KCNJ3: variants seen among roughly 807,000 people sequenced by gnomAD.
KCNJ3 encodes the protein G protein-activated inward rectifier potassium channel 1.
A neutral mutation model predicts 39.2 loss-of-function variants in KCNJ3; 4 were observed. The ratio of observed to expected loss-of-function variants is 0.10; its 90% CI spans 0.05 to 0.23. The LOEUF (loss-of-function observed/expected upper bound fraction) is 0.23. Ranked by LOEUF, KCNJ3 falls within the 10% of genes least tolerant of loss-of-function variation. KCNJ3 has a pLI of 1.00. For missense variants in KCNJ3, 276 were observed against 634.9 expected, an observed-to-expected ratio of 0.43 and a Z score of 6.08; for synonymous variants, 230 against 237.4, an observed-to-expected ratio of 0.97 and a Z score of 0.29.
intron 2 of KCNJ3, among the ~76,000 whole-genome samples, chr2:154,754,118 C>A (rs1386789284): frequency 6.6e-6 from 1 of 152,098 alleles, no homozygotes; most frequent in Non-Finnish European, 1.5e-5. Flanking sequence ...CCATCTATTC[C>A]CGTTTTGTAT....
intron 2 of KCNJ3, among the ~76,000 whole-genome samples, chr2:154,826,041 C>A (rs1671853460): frequency 6.6e-6 from 1 of 152,004 alleles, no homozygotes; most frequent in South Asian, 2.1e-4. Context: ...TGAAACAAAT[C>A]CTTGATAATA....
chr2:154,823,123 T>A (rs1687212614), intron 2 of KCNJ3, among the ~76,000 whole-genome samples: 1 of 152,082 alleles, frequency 6.6e-6, no homozygotes, highest in African/African-American at 2.4e-5. Context: ...TCTAATAATT[T>A]ACATTGCCAA....
intron 2 of KCNJ3, among the ~76,000 whole-genome samples, chr2:154,728,866 TG>T (rs1229046125): frequency 2.6e-5 from 4 of 152,026 alleles, no homozygotes; most frequent in East Asian, 1.9e-4. Context: ...TTTTTTTTAG[TG>T]GGAAAGGGAA....
At chr2:154,838,373 G>A (rs1048324075) in intron 2 of KCNJ3, among the ~76,000 whole-genome samples, 1 of 152,178 alleles carries the variant, frequency 6.6e-6, no homozygotes, top group African/African-American at 2.4e-5. Flanking sequence ...ACCTGAGTGT[G>A]TATTTTGACT....
rs1393920955 is a variant in KCNJ3, at chr2:154,699,865, A to G, written c.702+388A>G. Among the ~76,000 whole-genome samples, 1 of 152,180 alleles carries G rather than the reference A, an allele frequency of 6.6e-6. No homozygotes were observed. Among genetic ancestry groups the G allele is most frequent in the Non-Finnish European group, 1.5e-5 (1 of 68,040 alleles). ...CACACTACCCCATTCAATGCGAGGTACTAGAACTCAACTGAACAGCTGTTA... is the reference window on the plus strand; with the variant it reads ...CACACTACCCCATTCAATGCGAGGTGCTAGAACTCAACTGAACAGCTGTTA... On this transcript the variant is annotated intron_variant, in intron 1 of 2. Transcript: ENST00000295101. This position sits in a 1 kb window ranked among gnomAD's most constrained non-coding sequence, Gnocchi z 6.4.
At chr2:154,719,733 G>A (rs1478036547) in intron 2 of KCNJ3, among the ~76,000 whole-genome samples, 1 of 152,138 alleles carries the variant, frequency 6.6e-6, no homozygotes, top group Non-Finnish European at 1.5e-5. Flanking sequence ...AACACTGGCT[G>A]TTAGTCATTT....
intron 2 of KCNJ3, among the ~76,000 whole-genome samples, chr2:154,754,863 CTG>C (rs1341837898): frequency 3.9e-5 from 6 of 152,176 alleles, no homozygotes; most frequent in Admixed American, 2.0e-4. Context: ...GTGAAGTTAT[CTG>C]TGGTTGGAGT....
At chr2:154,705,451 C>T (rs551190586) in intron 1 of KCNJ3, among the ~76,000 whole-genome samples, 2 of 152,096 alleles carry the variant, frequency 1.3e-5, no homozygotes, top group Non-Finnish European at 2.9e-5. Flanking sequence ...CTTCTAGGCA[C>T]CTGTGACTTT....
intron 2 of KCNJ3, among the ~76,000 whole-genome samples, chr2:154,767,281 A>G (rs1489839881): frequency 6.6e-6 from 1 of 151,932 alleles, no homozygotes; most frequent in Non-Finnish European, 1.5e-5. Context: ...GGTGTGCTGC[A>G]CCCATTAACT....
chr2:154,763,422 CTT>C (rs11405108), intron 2 of KCNJ3, among the ~76,000 whole-genome samples: 7,859 of 148,164 alleles, frequency 0.053, 226 homozygotes, highest in African/African-American at 0.062. Context: ...TCAGCTGCTT[CTT>C]TTTTTTTTTC....
intron 2 of KCNJ3, among the ~76,000 whole-genome samples, chr2:154,844,058 G>T (rs1031531233): frequency 6.6e-6 from 1 of 152,308 alleles, no homozygotes. Context: ...TTTCTGCTCT[G>T]GTTTCTCCCC....
chr2:154,832,678 A>G (rs1480229534), intron 2 of KCNJ3, among the ~76,000 whole-genome samples: 1 of 144,802 alleles, frequency 6.9e-6, no homozygotes, highest in Non-Finnish European at 1.5e-5. Context: ...ATCAGAGGAA[A>G]TGGAGCTTAT....
chr2:154,826,949 A>G (rs917314475), intron 2 of KCNJ3, among the ~76,000 whole-genome samples: 1 of 152,186 alleles, frequency 6.6e-6, no homozygotes, highest in Non-Finnish European at 1.5e-5. Flanking sequence ...TGTTCAAAAC[A>G]GCATATGTGA....
At chr2:154,770,950 G>A (rs1249042197) in intron 2 of KCNJ3, among the ~76,000 whole-genome samples, 2 of 148,480 alleles carry the variant, frequency 1.3e-5, no homozygotes, top group Non-Finnish European at 3.0e-5. Context: ...GAGTGCAGTG[G>A]CACAATTGCA....
intron 2 of KCNJ3, among the ~76,000 whole-genome samples, chr2:154,717,143 G>A (rs988429499): frequency 1.3e-5 from 2 of 152,200 alleles, no homozygotes; most frequent in Admixed American, 6.5e-5. Context: ...AGCTCAGCAG[G>A]AGAGTAGAGG....
chr2:154,713,026 TG>T (rs1336024964), intron 2 of KCNJ3, among the ~76,000 whole-genome samples: 1 of 150,448 alleles, frequency 6.6e-6, no homozygotes, highest in Admixed American at 6.6e-5. Context: ...AAGGTGGAGG[TG>T]GTTGTAGCAG....
At chr2:154,715,365 T>A (rs556564013) in intron 2 of KCNJ3, among the ~76,000 whole-genome samples, 1 of 152,318 alleles carries the variant, frequency 6.6e-6, no homozygotes, top group East Asian at 1.9e-4. Flanking sequence ...CTGCCCTTCT[T>A]ATGGTACTGC....
At chr2:154,741,732 T>C (rs2105175271) in intron 2 of KCNJ3, among the ~76,000 whole-genome samples, 1 of 152,030 alleles carries the variant, frequency 6.6e-6, no homozygotes, top group Non-Finnish European at 1.5e-5. Context: ...TCCAAATTTC[T>C]TTGAAATGAC....
At chr2:154,763,401 G>A (rs191827432) in intron 2 of KCNJ3, among the ~76,000 whole-genome samples, 13 of 150,354 alleles carry the variant, frequency 8.6e-5, no homozygotes, top group Admixed American at 5.4e-4. Flanking sequence ...TAAGATGAAT[G>A]CTTATTCTTT....
Sources: allele counts gnomAD v4.1 joint callset (sites outside exome capture counted in the v4.1 genomes callset), GRCh38; gene constraint gnomAD v4.1.1; non-coding constraint Gnocchi (gnomAD v3.1); transcripts MANE v1.5; gene names NCBI Gene and HGNC (gene_info 2026-07-23, HGNC 2026-07-21).